The following GPC5 variants were observed in gnomAD, a reference collection of about 807,000 sequenced individuals.
The protein encoded by GPC5 is glypican-5.
GPC5 carries 47 observed loss-of-function variants against 53.9 expected under a neutral mutation model. The observed-to-expected ratio is 0.87, with a 90% confidence interval of 0.69 to 1.11. GPC5 has a LOEUF of 1.11. GPC5 is among the 50% of genes most tolerant of loss of function. The pLI is 0.00. For synonymous variants in GPC5, 286 were observed against 263.3 expected (o/e 1.09, Z -0.84); for missense variants, 748 against 713.1 (o/e 1.05, Z -0.56).
chr13:92,106,102 C>T (rs910410263), intron 6 of GPC5, among the ~76,000 whole-genome samples: 3 of 151,904 alleles, frequency 2.0e-5, no homozygotes, highest in Non-Finnish European at 2.9e-5. Flanking sequence ...CCATTTTATG[C>T]TGATGGACAT....
intron 5 of GPC5, among the ~76,000 whole-genome samples, chr13:91,899,793 T>A (rs552585467): frequency 6.6e-6 from 1 of 152,200 alleles, no homozygotes; most frequent in South Asian, 2.1e-4. Flanking sequence ...GGCCAAGGAT[T>A]GCCAGGAGCA....
intron 7 of GPC5, among the ~76,000 whole-genome samples, chr13:92,708,927 G>GGCT (rs1237416336): frequency 8.6e-6 from 1 of 116,944 alleles, no homozygotes; most frequent in Non-Finnish European, 1.7e-5. Flanking sequence ...CTGTTGCCCA[G>GGCT]GCTGGAGTGC....
At position 92,540,010 on chromosome 13, in the gene GPC5, A is replaced by T. The variant is rs573568526; in HGVS notation, c.1562-326272A>T. On this transcript the variant is annotated intron_variant, in intron 7 of 7. Transcript: ENST00000377067. ...AAACAAACATTTTCTTTAAGAATGC[A>T]CTTTTAAGGACCTTATATCACTAGT... 4.6e-5 allele frequency among the ~76,000 whole-genome samples: 7 copies of T among 152,036 alleles called. No individual in the cohort carries two copies. In the South Asian group the frequency reaches 1.5e-3, roughly 32 times the overall value.
At chr13:92,613,576 TATA>T (rs561815924) in intron 7 of GPC5, among the ~76,000 whole-genome samples, 3,259 of 127,852 alleles carry the variant, frequency 0.025, 170 homozygotes, top group African/African-American at 0.093. Context: ...ATATATAATA[TATA>T]ATATTTTATA....
At chr13:92,324,184 A>C (rs1483127090) in intron 7 of GPC5, among the ~76,000 whole-genome samples, 6 of 152,024 alleles carry the variant, frequency 3.9e-5, no homozygotes. Flanking sequence ...ACATCATAGT[A>C]AAGTATGTTT....
At chr13:92,318,589 C>T (rs1413526360) in intron 7 of GPC5, among the ~76,000 whole-genome samples, 3 of 152,002 alleles carry the variant, frequency 2.0e-5, no homozygotes, top group African/African-American at 7.2e-5. Context: ...ACCCAAAACC[C>T]TTGACAAGTG....
intron 7 of GPC5, among the ~76,000 whole-genome samples, chr13:92,257,135 G>C (rs2042731860): frequency 6.6e-6 from 1 of 152,028 alleles, no homozygotes; most frequent in Non-Finnish European, 1.5e-5. Context: ...GCTTAAGCTG[G>C]ATATTTAACT....
chr13:91,595,617 T>A (rs2032965667), intron 2 of GPC5, among the ~76,000 whole-genome samples: 1 of 152,236 alleles, frequency 6.6e-6, no homozygotes, highest in Non-Finnish European at 1.5e-5. Context: ...TTGTATATAA[T>A]TTTCTCCTGT....
intron 2 of GPC5, among the ~76,000 whole-genome samples, chr13:91,500,419 AT>A (rs1451823613): frequency 1.3e-5 from 2 of 152,144 alleles, no homozygotes; most frequent in Non-Finnish European, 2.9e-5. Context: ...TTTTCTTGGG[AT>A]CCATTGGATA....
chr13:91,872,912 T>C (rs1037498473), intron 5 of GPC5, among the ~76,000 whole-genome samples: 1 of 152,198 alleles, frequency 6.6e-6, no homozygotes, highest in African/African-American at 2.4e-5. Context: ...ATGATGGTTT[T>C]ACTTAAAAAA....
intron 2 of GPC5, among the ~76,000 whole-genome samples, chr13:91,463,519 A>C (rs1882059623): frequency 6.6e-6 from 1 of 152,136 alleles, no homozygotes; most frequent in Non-Finnish European, 1.5e-5. Flanking sequence ...ATTTTGAAAA[A>C]GAAGTGGGAA....
intron 7 of GPC5, among the ~76,000 whole-genome samples, chr13:92,593,063 T>C (rs1304414140): frequency 6.6e-6 from 1 of 150,704 alleles, no homozygotes; most frequent in African/African-American, 2.4e-5. Flanking sequence ...GTGAATGAGG[T>C]TGAGGGATGG....
chr13:92,488,541 C>T (rs997795220), intron 7 of GPC5, among the ~76,000 whole-genome samples: 10 of 152,128 alleles, frequency 6.6e-5, no homozygotes, highest in Admixed American at 3.3e-4. Flanking sequence ...TTTAATCTAT[C>T]CAAAAGGAAG....
At chr13:91,497,662 T>C (rs908850241) in intron 2 of GPC5, among the ~76,000 whole-genome samples, 1 of 152,156 alleles carries the variant, frequency 6.6e-6, no homozygotes, top group African/African-American at 2.4e-5. Context: ...AGGCAGAAGG[T>C]AATGAATTGG....
At chr13:92,228,392 A>T (rs1461500120) in intron 7 of GPC5, among the ~76,000 whole-genome samples, 2 of 152,202 alleles carry the variant, frequency 1.3e-5, no homozygotes, top group Non-Finnish European at 2.9e-5. Context: ...AAAGTCACAT[A>T]AACATTTATA....
intron 7 of GPC5, among the ~76,000 whole-genome samples, chr13:92,388,661 C>A (rs1874855030): frequency 6.6e-6 from 1 of 152,090 alleles, no homozygotes; most frequent in Admixed American, 6.6e-5. Context: ...GATTTGGGCT[C>A]ACATTAGGTG....
Position 91,740,319 on chromosome 13 carries a change from C to T in GPC5, c.1154+11654C>T, listed in dbSNP as rs537259239. Among the ~76,000 whole-genome samples the T allele has an allele frequency of 5.9e-5, 9 of 152,274 alleles. No individual in the cohort carries two copies. The South Asian group carries it at 1.0e-3, about 18-fold the overall frequency. ...TCTCTTAATATTCCCAAGTTCCTAA[C>T]CATTTTTTTCTCCCTGTTTTTCTAT... On this transcript the variant is annotated intron_variant, in intron 4 of 7. Coordinates refer to ENST00000377067, the MANE Select transcript of GPC5 (RefSeq NM_004466.6).
At chr13:91,841,872 T>G (rs1283507588) in intron 5 of GPC5, among the ~76,000 whole-genome samples, 1 of 152,186 alleles carries the variant, frequency 6.6e-6, no homozygotes. Flanking sequence ...TGTGTCAAGA[T>G]GTACTGTGTT....
At chr13:92,051,155 GTGTT>G (rs1335402162) in intron 6 of GPC5, among the ~76,000 whole-genome samples, 3 of 150,448 alleles carry the variant, frequency 2.0e-5, no homozygotes, top group South Asian at 4.2e-4. Context: ...TTCAGATTCA[GTGTT>G]TGTCTGAGGA....
Sources: allele counts gnomAD v4.1 joint callset (sites outside exome capture counted in the v4.1 genomes callset), GRCh38; gene constraint gnomAD v4.1.1; transcripts MANE v1.5; gene names NCBI Gene and HGNC (gene_info 2026-07-23, HGNC 2026-07-21).